The following DPH6 variants were observed in gnomAD, a reference collection of about 807,000 sequenced individuals.
DPH6 encodes diphthamine biosynthesis 6, also known as diphthine--ammonia ligase.
A neutral mutation model predicts 38.2 loss-of-function variants in DPH6; 33 were observed. The ratio of observed to expected loss-of-function variants is 0.86; its 90% confidence interval spans 0.65 to 1.15. DPH6 has a LOEUF of 1.15. DPH6 is among the 50% of genes most tolerant of loss of function. DPH6 has a pLI of 0.00. For synonymous variants in DPH6, 108 were observed against 103.0 expected, an observed-to-expected ratio of 1.05 and a Z score of -0.30; for missense variants, 325 against 320.0, an observed-to-expected ratio of 1.02 and a Z score of -0.12.
At chr15:35,532,746 T>A (rs902766107) in intron 3 of DPH6, among the ~76,000 whole-genome samples, 1 of 151,914 alleles carries the variant, frequency 6.6e-6, no homozygotes, top group Admixed American at 6.6e-5. Flanking sequence ...GTCCAACTGT[T>A]TTTTAAAGAG....
In DPH6 at chr15:35,243,106, CCTT is replaced by C. The variant is rs1249123818; in HGVS notation, n.201-22527_201-22525del. On this transcript the variant is annotated intron_variant and non_coding_transcript_variant, in intron 3 of 3. Transcript: ENST00000560386. ...TTAGTCCTTTTATACCTGTTTTTCT[CCTT>C]CTCTTATTCCATTTAGTTTTTCAAT... Among the ~76,000 whole-genome samples the C allele has an allele frequency of 1.4e-5, 2 of 142,186 alleles. 1 individual carries two copies. Among genetic ancestry groups the C allele is most frequent in the Non-Finnish European group, 3.1e-5 (2 of 65,124 alleles). The allele number at this position is 142,186 out of a possible 152,430, so 93.3% of individuals were successfully genotyped here.
the DPH6 span, among the ~76,000 whole-genome samples, chr15:35,199,330 C>T: frequency 6.6e-6 from 1 of 152,194 alleles, no homozygotes; most frequent in Non-Finnish European, 1.5e-5. Flanking sequence ...ATAATTGTCT[C>T]CCTCACAGTT....
intron 3 of DPH6, among the ~76,000 whole-genome samples, chr15:35,503,418 A>G (rs1486045832): frequency 1.3e-5 from 2 of 152,072 alleles, no homozygotes; most frequent in African/African-American, 4.8e-5. Context: ...ATCAGTCTGA[A>G]TATTTAAAAT....
At chr15:35,176,689 T>G in the DPH6 span, among the ~76,000 whole-genome samples, 351 of 152,328 alleles carry the variant, frequency 2.3e-3, 1 homozygote, top group Non-Finnish European at 3.8e-3. Context: ...CAGGCTGGTC[T>G]CGAACTCCCA....
intron 3 of DPH6, among the ~76,000 whole-genome samples, chr15:35,529,828 C>T (rs2055060296): frequency 1.3e-5 from 2 of 152,056 alleles, no homozygotes; most frequent in Non-Finnish European, 2.9e-5. Flanking sequence ...TTCAACTCCT[C>T]TTTATTCACT....
At chr15:35,493,771 G>C (rs913852251) in intron 3 of DPH6, among the ~76,000 whole-genome samples, 2 of 152,114 alleles carry the variant, frequency 1.3e-5, no homozygotes, top group Non-Finnish European at 2.9e-5. Context: ...TTAGAATAAT[G>C]GTTTAGGAAT....
intron 3 of DPH6, among the ~76,000 whole-genome samples, chr15:35,321,861 G>C (rs1053509078): frequency 6.6e-6 from 1 of 152,184 alleles, no homozygotes; most frequent in Admixed American, 6.5e-5. Context: ...CATTGTAGTA[G>C]AGAAAGAGTT....
the DPH6 span, among the ~76,000 whole-genome samples, chr15:35,149,489 G>A: frequency 2.0e-5 from 3 of 152,018 alleles, no homozygotes; most frequent in Non-Finnish European, 4.4e-5. Flanking sequence ...CGCCTGCCTC[G>A]GCCTCCCAAA....
chr15:35,438,856 T>C (rs1403387699), intron 5 of DPH6, among the ~76,000 whole-genome samples: 1 of 152,194 alleles, frequency 6.6e-6, no homozygotes, highest in Non-Finnish European at 1.5e-5. Flanking sequence ...TTTACCTGGG[T>C]TTATAGGATT....
chr15:35,299,309 G>T, intron 3 of DPH6: 1 of 1,016,426 alleles, frequency 9.8e-7, no homozygotes, highest in Non-Finnish European at 1.6e-6. Context: ...ACTGTACCTT[G>T]TTTCGTCCTT....
chr15:35,147,125 G>A, the DPH6 span, among the ~76,000 whole-genome samples: 1 of 152,150 alleles, frequency 6.6e-6, no homozygotes. Context: ...TGATCTAAAT[G>A]CTTGATGTAT....
At chr15:35,362,204 C>G (rs879866010) in intron 3 of DPH6, among the ~76,000 whole-genome samples, 5 of 152,132 alleles carry the variant, frequency 3.3e-5, no homozygotes, top group Non-Finnish European at 5.9e-5. Context: ...TTCCAGTTTC[C>G]TTTTCAGAAG....
intron 5 of DPH6, among the ~76,000 whole-genome samples, chr15:35,421,502 A>G (rs936693487): frequency 6.6e-6 from 1 of 152,238 alleles, no homozygotes; most frequent in African/African-American, 2.4e-5. Context: ...ATTAAAAATT[A>G]CTGTAAAGTT....
chr15:35,387,066 C>G lies in DPH6; in HGVS notation c.568-5150G>C, dbSNP rs111591677. Among the ~76,000 whole-genome samples the G allele has an allele frequency of 3.9e-3, 598 of 152,290 alleles. 3 individuals carry two copies. Among genetic ancestry groups the G allele is most frequent in the African/African-American group, 0.013 (558 of 41,552 alleles). The stretch of plus-strand genomic sequence containing the variant: ...GTTTCAGCTTTCTACATGTAGCTAG[C>G]CAGTTTTCCCAGCACCATTTATTAA... On this transcript the variant is annotated intron_variant, in intron 6 of 8. Coordinates refer to ENST00000256538, the MANE Select transcript of DPH6 (RefSeq NM_080650.4).
intron 3 of DPH6, among the ~76,000 whole-genome samples, chr15:35,333,537 A>C (rs1454602969): frequency 1.3e-5 from 2 of 152,212 alleles, no homozygotes; most frequent in African/African-American, 4.8e-5. Context: ...AAATTAGTTA[A>C]TACATAAATT....
At chr15:35,250,047 G>T (rs891073106) in intron 3 of DPH6, among the ~76,000 whole-genome samples, 4 of 151,794 alleles carry the variant, frequency 2.6e-5, no homozygotes, top group African/African-American at 9.7e-5. Flanking sequence ...ACAGGGTGGT[G>T]GGCACCTGTA....
intron 5 of DPH6, among the ~76,000 whole-genome samples, chr15:35,429,083 T>C (rs2053602173): frequency 6.6e-6 from 1 of 152,158 alleles, no homozygotes; most frequent in African/African-American, 2.4e-5. Flanking sequence ...GAATACTGCC[T>C]TTTCCTTAAA....
chr15:35,455,715 A>C (rs778178186), intron 3 of DPH6, among the ~76,000 whole-genome samples: 9 of 152,150 alleles, frequency 5.9e-5, no homozygotes, highest in Non-Finnish European at 1.2e-4. Context: ...GATATGAAGA[A>C]AGTGACTAGG....
At chr15:35,480,548 C>T (rs76004854) in intron 3 of DPH6, among the ~76,000 whole-genome samples, 2,779 of 152,096 alleles carry the variant, frequency 0.018, 88 homozygotes, top group African/African-American at 0.062. Flanking sequence ...GGCTTTTACA[C>T]AGAATGGCCT....
Sources: gnomAD v4.1 joint callset for allele counts (sites outside exome capture counted in the v4.1 genomes callset) on GRCh38, gnomAD v4.1.1 for gene constraint, MANE v1.5 for transcripts, NCBI Gene and HGNC (gene_info 2026-07-23, HGNC 2026-07-21) for gene names.